The following SNTG2 variants were observed in gnomAD, a reference collection of about 807,000 sequenced individuals.
SNTG2 encodes the protein gamma-2-syntrophin.
A neutral mutation model predicts 70.9 loss-of-function variants in SNTG2; 74 were observed. The observed-to-expected ratio is 1.04, with a 90% confidence interval of 0.86 to 1.27. The LOEUF is 1.27. Ranked by LOEUF, SNTG2 falls within the 50% of genes most tolerant of loss-of-function variation. The probability of loss-of-function intolerance (pLI) is 0.00; values close to 1 mark genes in which losing one functional copy is unlikely to be tolerated. For missense variants in SNTG2, 717 were observed against 690.7 expected (o/e 1.04, Z -0.43); for synonymous variants, 278 against 273.8 (o/e 1.02, Z -0.15).
intron 9 of SNTG2, among the ~76,000 whole-genome samples, chr2:1,224,675 T>C (rs1390918674): frequency 2.0e-5 from 3 of 152,256 alleles, no homozygotes; most frequent in Non-Finnish European, 4.4e-5. Context: ...CTCAGTCTTA[T>C]CTGGAAACGC....
intron 14 of SNTG2, 89 bp downstream of exon 14, chr2:1,267,660 A>G (rs1678819260): frequency 3.4e-6 from 4 of 1,173,644 alleles, no homozygotes; most frequent in Admixed American, 2.0e-5. Context: ...TTATCGGGGG[A>G]AAAGAGGAAT....
intron 1 of SNTG2, among the ~76,000 whole-genome samples, chr2:1,015,128 TGGA>T (rs1040441424): frequency 2.0e-5 from 3 of 152,108 alleles, no homozygotes; most frequent in African/African-American, 7.2e-5. Flanking sequence ...AGTTGCCAGG[TGGA>T]GAAGAGACTG....
At chr2:1,119,857 A>G (rs529884867) in intron 4 of SNTG2, among the ~76,000 whole-genome samples, 6 of 152,316 alleles carry the variant, frequency 3.9e-5, no homozygotes, top group South Asian at 2.1e-4. Context: ...TAAGAAAATA[A>G]GAGAATGACT....
At position 1,058,156 on chromosome 2, in the gene SNTG2, TTG is replaced by T. The variant is rs540808619; in HGVS notation, c.73-25356_73-25355del. ...AGTTGTTGCTGACTAAGAGATATGA[TTG>T]TGTGTCAAAAATTAGTATTTTTCTA... is the stretch of plus-strand genomic sequence containing the variant. On this transcript the variant is annotated intron_variant, in intron 1 of 16. Coordinates refer to ENST00000308624, the MANE Select transcript of SNTG2 (RefSeq NM_018968.4). Among the ~76,000 whole-genome samples the T allele has an allele frequency of 6.7e-3, 1,026 of 152,358 alleles. 5 individuals are homozygous for T. The highest frequency in any genetic ancestry group is 0.01 in the Non-Finnish European group (695 of 68,030).
At chr2:1,337,922 G>C (rs900669895) in intron 16 of SNTG2, among the ~76,000 whole-genome samples, 2 of 152,110 alleles carry the variant, frequency 1.3e-5, no homozygotes, top group South Asian at 4.1e-4. Context: ...TTTGCAACCG[G>C]ATATCTAATT....
intron 15 of SNTG2, 119 bp from the exon 16 acceptor site, chr2:1,316,146 G>A (rs540577475): frequency 3.6e-5 from 21 of 584,522 alleles, no homozygotes; most frequent in East Asian, 1.2e-4. Flanking sequence ...GCTAAACGTC[G>A]ATTTAAACAT....
intron 14 of SNTG2, among the ~76,000 whole-genome samples, chr2:1,284,341 G>T (rs1679682377): frequency 6.6e-6 from 1 of 152,148 alleles, no homozygotes; most frequent in African/African-American, 2.4e-5. Flanking sequence ...TTCAGATTCT[G>T]GCGGGTGCTG....
intron 1 of SNTG2, 69 bp from the exon 2 acceptor site, chr2:1,083,449 C>T (rs568551782): frequency 1.5e-5 from 24 of 1,561,112 alleles, no homozygotes; most frequent in Admixed American, 1.2e-4. Context: ...AGGAGGCGTG[C>T]GTCACCTATC....
intron 1 of SNTG2, among the ~76,000 whole-genome samples, chr2:964,100 C>A: frequency 6.6e-6 from 1 of 152,156 alleles, no homozygotes; most frequent in Non-Finnish European, 1.5e-5. Context: ...ATATTGAACA[C>A]CAGTGTTGCT....
At chr2:1,300,213 G>A (rs373097303) in intron 14 of SNTG2, among the ~76,000 whole-genome samples, 37 of 151,880 alleles carry the variant, frequency 2.4e-4, no homozygotes, top group East Asian at 1.4e-3. Context: ...TACCATCACC[G>A]CTCTGAAGGG....
At chr2:1,249,441 G>A (rs1240543239) in intron 12 of SNTG2, among the ~76,000 whole-genome samples, 1 of 152,174 alleles carries the variant, frequency 6.6e-6, no homozygotes, top group African/African-American at 2.4e-5. Context: ...TTAATAGACT[G>A]TGGGTTGTAT....
intron 4 of SNTG2, among the ~76,000 whole-genome samples, chr2:1,135,105 T>G (rs552809195): frequency 6.6e-6 from 1 of 152,310 alleles, no homozygotes; most frequent in African/African-American, 2.4e-5. Flanking sequence ...GTTTTTCTGA[T>G]GTCTGGAGGC....
chr2:1,219,191 A>G (rs1035213970), intron 9 of SNTG2, among the ~76,000 whole-genome samples: 2 of 152,106 alleles, frequency 1.3e-5, no homozygotes, highest in African/African-American at 4.8e-5. Context: ...AACTCCTGCT[A>G]TGCCCATGTC....
chr2:1,141,765 C>T (rs1344994152), intron 6 of SNTG2, among the ~76,000 whole-genome samples: 2 of 134,352 alleles, frequency 1.5e-5, no homozygotes, highest in East Asian at 2.2e-4. Context: ...CAGTAGGACA[C>T]ATATCTGTTC....
intron 1 of SNTG2, among the ~76,000 whole-genome samples, chr2:952,732 T>G (rs559985234): frequency 1.6e-4 from 24 of 152,346 alleles, no homozygotes; most frequent in African/African-American, 5.8e-4. Context: ...CTCCTAACTT[T>G]GCAGTCATAA....
At chr2:1,148,321 G>T (rs62105978) in intron 6 of SNTG2, among the ~76,000 whole-genome samples, 142,487 of 152,132 alleles carry the variant, frequency 0.94, 66,854 homozygotes, top group Non-Finnish European at 0.97. Context: ...TTCTCACATG[G>T]AGAAGAGAGG....
chr2:971,106 C>T (rs1660724864), intron 1 of SNTG2, among the ~76,000 whole-genome samples: 1 of 152,076 alleles, frequency 6.6e-6, no homozygotes, highest in Non-Finnish European at 1.5e-5. Flanking sequence ...CCTGAAGTTT[C>T]CTTTTTTTGG....
intron 1 of SNTG2, among the ~76,000 whole-genome samples, chr2:1,063,695 GAC>G (rs1373473810): frequency 6.6e-6 from 1 of 152,130 alleles, no homozygotes; most frequent in African/African-American, 2.4e-5. Context: ...CTGAAGAGTG[GAC>G]ACAACAAAAT....
intron 1 of SNTG2, among the ~76,000 whole-genome samples, chr2:1,072,542 A>C (rs1388566026): frequency 6.6e-6 from 1 of 151,998 alleles, no homozygotes; most frequent in South Asian, 2.1e-4. Flanking sequence ...GATATCTTTC[A>C]AAATATTACT....
Sources: allele counts gnomAD v4.1 joint callset (sites outside exome capture counted in the v4.1 genomes callset), GRCh38; gene constraint gnomAD v4.1.1; transcripts MANE v1.5; gene names NCBI Gene and HGNC (gene_info 2026-07-23, HGNC 2026-07-21).